Variants in MAST2 observed in about 807,000 individuals in gnomAD.
MAST2 encodes microtubule associated serine/threonine kinase 2.
MAST2 carries 70 observed loss-of-function variants against 147.4 expected under a neutral mutation model. The ratio of observed to expected loss-of-function variants is 0.47; its 90% CI spans 0.39 to 0.58. MAST2 has a LOEUF of 0.58. MAST2 is among the 20% of genes least tolerant of loss of function. MAST2 has a pLI of 0.00. For missense variants in MAST2, 2,080 were observed against 2,302.3 expected (o/e 0.90, Z 1.98); for synonymous variants, 869 against 896.8 (o/e 0.97, Z 0.55).
At chr1:45,939,707 T>G (rs1034570354) in intron 4 of MAST2, among the ~76,000 whole-genome samples, 1 of 152,038 alleles carries the variant, frequency 6.6e-6, no homozygotes, top group African/African-American at 2.4e-5. Context: ...ACCTGGCTAA[T>G]TTTTTTGTAT....
At chr1:45,822,712 T>G (rs972436316) in intron 1 of MAST2, among the ~76,000 whole-genome samples, 1 of 152,164 alleles carries the variant, frequency 6.6e-6, no homozygotes, top group Admixed American at 6.5e-5. Flanking sequence ...CCTCCTCAGT[T>G]CTCTCTACCT....
intron 24 of MAST2, 110 bp from the exon 25 acceptor site, chr1:46,032,068 C>G: frequency 1.2e-6 from 1 of 838,298 alleles, no homozygotes; most frequent in Non-Finnish European, 2.0e-6. Context: ...GGAAAATGGA[C>G]CTAGGCTCAG....
chr1:45,893,357 T>A (rs1648172040), intron 4 of MAST2, among the ~76,000 whole-genome samples: 1 of 152,022 alleles, frequency 6.6e-6, no homozygotes, highest in Non-Finnish European at 1.5e-5. Context: ...TGCATCACCA[T>A]GCCCAGCTTA....
chr1:45,886,971 G>T (rs143313137), intron 4 of MAST2, among the ~76,000 whole-genome samples: 1 of 152,106 alleles, frequency 6.6e-6, no homozygotes, highest in Admixed American at 6.6e-5. Flanking sequence ...GGCACCACAG[G>T]CACCTGCCAC....
intron 5 of MAST2, among the ~76,000 whole-genome samples, chr1:45,980,352 T>C (rs1211991923): frequency 6.6e-6 from 1 of 151,286 alleles, no homozygotes; most frequent in African/African-American, 2.4e-5. Context: ...AAAGTAGCTA[T>C]TGCGTTCTGT....
intron 16 of MAST2, among the ~76,000 whole-genome samples, chr1:46,027,208 C>T (rs960151410): frequency 1.3e-5 from 2 of 152,134 alleles, no homozygotes; most frequent in East Asian, 1.9e-4. Context: ...GCCTTCAGCA[C>T]AAAATGAGTG....
chr1:45,963,083 G>T (rs1006512205), intron 5 of MAST2, among the ~76,000 whole-genome samples: 5 of 152,100 alleles, frequency 3.3e-5, no homozygotes, highest in African/African-American at 7.2e-5. Context: ...TAGATGTGTG[G>T]TATTATTTCT....
chr1:46,013,995 A>G (rs1645824728), intron 10 of MAST2, among the ~76,000 whole-genome samples: 1 of 152,190 alleles, frequency 6.6e-6, no homozygotes. Context: ...TTCCGAAGAA[A>G]AATAATTTTA....
At chr1:45,999,422 C>T (rs563280296) in intron 6 of MAST2, among the ~76,000 whole-genome samples, 1 of 152,304 alleles carries the variant, frequency 6.6e-6, no homozygotes, top group East Asian at 1.9e-4. Context: ...ATAAACTGTA[C>T]TCTCAGAGTA....
At chr1:45,956,435 G>T (rs1659673203) in intron 4 of MAST2, among the ~76,000 whole-genome samples, 1 of 152,166 alleles carries the variant, frequency 6.6e-6, no homozygotes, top group South Asian at 2.1e-4. Context: ...TTGCCAATCA[G>T]CATGAGTCTG....
At position 45,959,394 on chromosome 1, in the gene MAST2, C is replaced by G. The variant is rs757545108; in HGVS notation, c.509C>G (p.Thr170Arg). The change falls in exon 5 of 29, where the codon ACA (threonine) becomes AGA (arginine). Residue 170 changes from threonine to arginine, a missense_variant. Thr to Arg is a moderately conservative substitution (Grantham distance 71). This residue lies in a region of MAST2 where 569 missense variants were observed against 642.5 expected (regional missense o/e 0.89). Transcript: ENST00000361297. ...TTTTGTTTTCATTGCAGTTGTCGGA[C>G]AAGTAACCGCAAGAGCTTGATTGTG... Reference protein sequence around the residue: ...SLPRRGSFCRTSNRKSLIVTS... With the variant: ...SLPRRGSFCRRSNRKSLIVTS... 55 of 1,613,478 alleles carry G rather than the reference C, an allele frequency of 3.4e-5. No individual in the cohort carries two copies. Among genetic ancestry groups the G allele is most frequent in the Non-Finnish European group, 4.6e-5 (54 of 1,179,688 alleles).
intron 5 of MAST2, among the ~76,000 whole-genome samples, chr1:45,973,091 T>A (rs2149001962): frequency 6.6e-6 from 1 of 152,308 alleles, no homozygotes; most frequent in East Asian, 1.9e-4. Context: ...TACATTGCAA[T>A]TGTAAAAATT....
chr1:45,809,806 G>T (rs1353481451), intron 1 of MAST2, among the ~76,000 whole-genome samples: 1 of 152,190 alleles, frequency 6.6e-6, no homozygotes, highest in Non-Finnish European at 1.5e-5. Flanking sequence ...TGGTTTAAAA[G>T]TGAAAGCTTA....
At chr1:45,812,483 A>G (rs1018268698) in intron 1 of MAST2, among the ~76,000 whole-genome samples, 4 of 145,894 alleles carry the variant, frequency 2.7e-5, no homozygotes, top group African/African-American at 1.0e-4. Flanking sequence ...GCTGGAGTAC[A>G]GTGGTACCAT....
rs1346664383 is a variant in MAST2, at chr1:46,022,098, A to C, written c.1423+16A>C. Reference sequence around the variant, plus strand: ...CCCCTAGAAGGTGAGCATGCTGCCTAGTGGCTGCAAAGAGGCCCCACTGCT... The same window carrying C: ...CCCCTAGAAGGTGAGCATGCTGCCTCGTGGCTGCAAAGAGGCCCCACTGCT... On this transcript the variant is annotated intron_variant, in intron 12 of 28. Transcript: ENST00000361297. 3 of 1,613,552 alleles carry C rather than the reference A, an allele frequency of 1.9e-6. No individual in the cohort carries two copies. The highest frequency in any genetic ancestry group is 2.2e-5 in the East Asian group (1 of 44,888).
intron 3 of MAST2, among the ~76,000 whole-genome samples, chr1:45,854,313 GGTGACAGA>G (rs1645719274): frequency 2.0e-5 from 3 of 149,606 alleles, no homozygotes; most frequent in African/African-American, 5.0e-5. Flanking sequence ...CTGCAGCCTG[GGTGACAGA>G]GTGACCCTCT....
intron 4 of MAST2, among the ~76,000 whole-genome samples, chr1:45,900,196 G>GATTT (rs57756307): frequency 0.33 from 35,909 of 109,312 alleles, 5,957 homozygotes; most frequent in African/African-American, 0.43. Context: ...AAAAAAAAAA[G>GATTT]ATTTACCCTT....
chr1:46,033,965 T>C (rs1282681882), intron 27 of MAST2, 27 bp downstream of exon 27: 2 of 1,613,046 alleles, frequency 1.2e-6, no homozygotes, highest in Admixed American at 1.7e-5. Context: ...GAAGAGGGTT[T>C]TCTCTGAGCC....
At chr1:45,837,341 T>C (rs1021368574) in intron 3 of MAST2, among the ~76,000 whole-genome samples, 20 of 152,276 alleles carry the variant, frequency 1.3e-4, no homozygotes, top group African/African-American at 4.6e-4. Context: ...TTTTGCCTTT[T>C]CCAGAATTTC....
Sources: allele counts gnomAD v4.1 joint callset (sites outside exome capture counted in the v4.1 genomes callset), GRCh38; gene constraint gnomAD v4.1.1; regional missense constraint gnomAD v4.1.1; transcripts MANE v1.5; gene names NCBI Gene and HGNC (gene_info 2026-07-23, HGNC 2026-07-21).